The following SPART variants were observed in gnomAD, a reference collection of about 807,000 sequenced individuals.
SPART encodes the protein spartin, also known as spastic paraplegia 20 (Troyer syndrome).
SPART carries 35 observed loss-of-function variants against 58.7 expected under a neutral mutation model. The observed-to-expected ratio is 0.60, with a 90% CI of 0.46 to 0.79. The LOEUF (loss-of-function observed/expected upper bound fraction) is 0.79, where lower values mean the gene tolerates loss of function less well. SPART is among the 30% of genes least tolerant of loss of function. SPART has a pLI of 0.00. For synonymous variants in SPART, 284 were observed against 280.7 expected (o/e 1.01, Z -0.12); for missense variants, 730 against 786.1 (o/e 0.93, Z 0.85).
chr13:36,302,733 T>G lies in SPART; in HGVS notation c.*1632A>C, dbSNP rs1880111730. 1 of 152,198 alleles carries G rather than the reference T, an allele frequency of 6.6e-6. No homozygotes were observed. Among genetic ancestry groups the G allele is most frequent in the South Asian group, 2.1e-4 (1 of 4,836 alleles). The allele number at this position is 152,198 out of a possible 1,614,324, so 9.4% of individuals were successfully genotyped here. A position where few individuals can be genotyped will look rare whatever the true frequency, so the allele number is the denominator to read the frequency against. On this transcript the variant is annotated 3_prime_UTR_variant, in exon 9 of 9. Transcript: ENST00000438666. ...CTACTGCTTCAAGCATTCATTTGTG[T>G]TACAAACGTCCCAATTACACTCTTT...
At chr13:36,317,402 C>A (rs959929648) in intron 5 of SPART, among the ~76,000 whole-genome samples, 12 of 152,010 alleles carry the variant, frequency 7.9e-5, no homozygotes, top group Non-Finnish European at 1.8e-4. Flanking sequence ...ATCTCTGTGC[C>A]CCAATCCCTT....
At chr13:36,344,137 A>G (rs1884833116) in intron 1 of SPART, among the ~76,000 whole-genome samples, 1 of 152,196 alleles carries the variant, frequency 6.6e-6, no homozygotes, top group African/African-American at 2.4e-5. Flanking sequence ...TTTACAAGTC[A>G]GCAGAGTGAG....
upstream of SPART, among the ~76,000 whole-genome samples, chr13:36,346,998 AG>A (rs956864149): frequency 1.3e-5 from 2 of 152,186 alleles, no homozygotes; most frequent in Non-Finnish European, 2.9e-5. Flanking sequence ...GTGTGTGTAA[AG>A]TCTATATCAC....
intron 1 of SPART, among the ~76,000 whole-genome samples, chr13:36,341,018 A>G (rs1022394898): frequency 6.6e-6 from 1 of 152,232 alleles, no homozygotes; most frequent in Non-Finnish European, 1.5e-5. Context: ...TGCATGCGAC[A>G]AAGGATGAAA....
chr13:36,314,923 C>G (rs1038763228), intron 5 of SPART, among the ~76,000 whole-genome samples: 4 of 152,190 alleles, frequency 2.6e-5, no homozygotes, highest in African/African-American at 9.7e-5. Flanking sequence ...CTCTTACTTT[C>G]TTTAGGCTAA....
chr13:36,355,265 A>T (rs1033681801), intron 1 of SPART, among the ~76,000 whole-genome samples: 1 of 152,100 alleles, frequency 6.6e-6, no homozygotes, highest in South Asian at 2.1e-4. Flanking sequence ...GGCTTAAGTG[A>T]TCCTCCCGCC....
Position 36,335,113 on chromosome 13 carries a change from T to C in SPART, c.718A>G (p.Ser240Gly). ...IFFVNPAGEV[S>G]APSYPGYLRI... ...AGGTACCCAGGATACGAAGGTGCAC[T>C]AACCTCCCCTGCAGGATTTACAAAA... The change falls in exon 2 of 9, where the codon AGT (serine) becomes GGT (glycine). Residue 240 changes from serine (S) to glycine (G), a missense_variant. Coordinates refer to ENST00000438666, the MANE Select transcript of SPART (RefSeq NM_015087.5). 1.2e-6 allele frequency: 2 copies of C among 1,614,154 alleles called. No homozygotes were observed. Among genetic ancestry groups the C allele is most frequent in the Non-Finnish European group, 8.5e-7 (1 of 1,180,004 alleles).
chr13:36,330,429 TACACAC>T (rs10547331), intron 3 of SPART, among the ~76,000 whole-genome samples: 13 of 150,160 alleles, frequency 8.7e-5, no homozygotes, highest in Non-Finnish European at 7.4e-5. Context: ...TATATTTTCA[TACACAC>T]ACACACACAC....
rs1365903408 is a variant in SPART at position 36,329,347 on chromosome 13, T to C, written c.1164+15A>G. ...ATTAGAAGACAACACACACACTTAT[T>C]ACTCTTTTATTTACCCTTTTTCCAC... is the stretch of plus-strand genomic sequence containing the variant. On this transcript the variant is annotated intron_variant, in intron 4 of 8. Transcript: ENST00000438666. The C allele has an allele frequency of 6.2e-7, 1 of 1,613,726 alleles. No homozygotes were observed.
At chr13:36,323,051 C>T (rs574956624) in intron 5 of SPART, among the ~76,000 whole-genome samples, 34 of 152,232 alleles carry the variant, frequency 2.2e-4, no homozygotes, top group African/African-American at 7.9e-4. Context: ...TTGGAGAAAT[C>T]TTAGGGAGGC....
intron 1 of SPART, chr13:36,336,250 A>G (rs1283082316): frequency 6.3e-6 from 1 of 158,620 alleles, no homozygotes. Flanking sequence ...TGGGGAAAAC[A>G]GAAATGAGAA....
intron 5 of SPART, among the ~76,000 whole-genome samples, chr13:36,318,706 G>A (rs1221082468): frequency 3.3e-5 from 5 of 152,152 alleles, no homozygotes; most frequent in African/African-American, 4.8e-5. Flanking sequence ...CCTCCCACAG[G>A]AGCTTGCTAC....
At chr13:36,354,816 C>G (rs1442782638) in intron 1 of SPART, among the ~76,000 whole-genome samples, 1 of 152,200 alleles carries the variant, frequency 6.6e-6, no homozygotes, top group Admixed American at 6.5e-5. Flanking sequence ...TGTATGCCTT[C>G]TTTACAGCCA....
chr13:36,359,475 T>C (rs1252560613), intron 1 of SPART, among the ~76,000 whole-genome samples: 1 of 152,204 alleles, frequency 6.6e-6, no homozygotes, highest in African/African-American at 2.4e-5. Context: ...GCTGTAAATA[T>C]AGACATATAC....
chr13:36,310,065 T>C (rs9547225), intron 8 of SPART, among the ~76,000 whole-genome samples: 36,953 of 152,076 alleles, frequency 0.24, 4,897 homozygotes, highest in East Asian at 0.51. Context: ...AGCTCTACTA[T>C]TCACTAGGAG....
upstream of SPART, among the ~76,000 whole-genome samples, chr13:36,349,398 T>C (rs1885325427): frequency 6.6e-6 from 1 of 152,224 alleles, no homozygotes; most frequent in South Asian, 2.1e-4. Flanking sequence ...CTTCTAGGAA[T>C]ATTCGTACTA....
chr13:36,345,619 C>T (rs1437023134), intron 1 of SPART: 1 of 152,164 alleles, frequency 6.6e-6, no homozygotes, highest in Admixed American at 6.5e-5. Context: ...TGCTGCGTCA[C>T]GAAACTGCGC....
At chr13:36,327,253 A>AC (rs1883023809) in intron 4 of SPART, among the ~76,000 whole-genome samples, 1 of 152,228 alleles carries the variant, frequency 6.6e-6, no homozygotes, top group African/African-American at 2.4e-5. Context: ...GCCTGGGCCA[A>AC]CACCCAAACT....
In SPART at chr13:36,304,529, C is replaced by A. The variant is rs574448043; in HGVS notation, c.1837G>T (p.Val613Leu). The stretch of plus-strand genomic sequence containing the variant: ...CCTGTTTGTGTTGCAGTTTTCTTCA[C>A]CATTGCTTTGATACCAATGTTGTTA... ...NINNIGIKAM[V>L]KKTATQTGHT... The change falls in exon 9 of 9, where the codon GTG becomes TTG. Residue 613 changes from valine to leucine, a missense_variant. Transcript: ENST00000438666. The A allele has an allele frequency of 1.9e-6, 3 of 1,614,010 alleles. No homozygotes were observed. Among genetic ancestry groups the A allele is most frequent in the Non-Finnish European group, 2.5e-6 (3 of 1,180,022 alleles).
Sources: gnomAD v4.1 joint callset for allele counts (sites outside exome capture counted in the v4.1 genomes callset) on GRCh38, gnomAD v4.1.1 for gene constraint, MANE v1.5 for transcripts, NCBI Gene and HGNC (gene_info 2026-07-23, HGNC 2026-07-21) for gene names.